Variants in KAT2A observed in about 807,000 individuals in gnomAD.
The protein encoded by KAT2A is histone acetyltransferase KAT2A.
KAT2A carries 42 observed loss-of-function variants against 95.2 expected under a neutral mutation model. The observed-to-expected ratio is 0.44, with a 90% CI of 0.34 to 0.57. The LOEUF (loss-of-function observed/expected upper bound fraction) is 0.57. KAT2A is among the 20% of genes least tolerant of loss of function. The pLI is 0.01. For missense variants in KAT2A, 784 were observed against 1,126.3 expected (o/e 0.70, Z 4.35); for synonymous variants, 449 against 448.2 (o/e 1.00, Z -0.02).
intron 12 of KAT2A, among the ~76,000 whole-genome samples, chr17:42,115,327 C>T (rs1228286072): frequency 7.9e-6 from 1 of 126,268 alleles, no homozygotes; most frequent in Non-Finnish European, 1.7e-5. Flanking sequence ...CCTCTACTGG[C>T]CCCCCAGTTC....
At position 42,118,378 on chromosome 17, in the gene KAT2A, T is replaced by C; in HGVS notation, c.1099A>G (p.Ile367Val). Residue 367 changes from isoleucine (I) to valine (V), a missense_variant, in exon 7 of 18, where the codon ATC (isoleucine) becomes GTC (valine). Physicochemically the swap from Ile to Val is conservative, Grantham distance 29. Transcript: ENST00000225916. ...PKFLSMLEEE[I>V]YGANSPIWES... ...CAGATTGGAGAGTTTGCCCCATAGA[T>C]CTCCTCCTCCAGCATGGACAGGAAT... 1 of 1,613,162 alleles carries C rather than the reference T, an allele frequency of 6.2e-7. No homozygotes were observed. Among genetic ancestry groups the C allele is most frequent in the Non-Finnish European group, 8.5e-7 (1 of 1,179,182 alleles).
chr17:42,120,574 ACCCC>A, intron 2 of KAT2A, 128 bp downstream of exon 2: 2 of 915,024 alleles, frequency 2.2e-6, no homozygotes, highest in Non-Finnish European at 3.3e-6. Flanking sequence ...CTTGGTGCAC[ACCCC>A]CCCCCAACCC....
At position 42,120,324 on chromosome 17, in the gene KAT2A, G is replaced by A. The variant is rs1555667041; in HGVS notation, c.510C>T (p.Asn170=). ...CATCCACCACCATCCCCAGCAGTCG[G>A]TTTATCTCATCCTCTGACACATTCT... ...HLENVSEDEI[N]RLLGMVVDVE... The change falls in exon 3 of 18, where the codon AAC becomes AAT. Residue 170 remains asparagine (N), a synonymous_variant. Transcript: ENST00000225916. 6.2e-7 allele frequency: 1 copy of A among 1,614,218 alleles called. No individual in the cohort carries two copies. The highest frequency in any genetic ancestry group is 8.5e-7 in the Non-Finnish European group (1 of 1,180,028).
At chr17:42,115,164 G>A in intron 12 of KAT2A, 129 bp from the exon 13 acceptor site, 1 of 937,760 alleles carries the variant, frequency 1.1e-6, no homozygotes, top group Admixed American at 2.0e-5. Context: ...CTCCTCCTGG[G>A]GCACTGTGAG....
In KAT2A at chr17:42,114,324, G is replaced by A. The variant is rs1555665505; in HGVS notation, c.2171+34C>T. ...CAAGTCTGAGGCTCCAAGTCCCTCT[G>A]CCCCACCCCCAACCCGGCTCCTTTG... On this transcript the variant is annotated intron_variant, in intron 15 of 17. Transcript: ENST00000225916. This position sits in a 1 kb window ranked among gnomAD's most constrained non-coding sequence, Gnocchi z 6.0. 1.9e-6 allele frequency: 3 copies of A among 1,613,614 alleles called. No homozygotes were observed. Among genetic ancestry groups the A allele is most frequent in the Non-Finnish European group, 1.7e-6 (2 of 1,179,788 alleles).
At position 42,114,077 on chromosome 17, in the gene KAT2A, G is replaced by C. The variant is rs782650177; in HGVS notation, c.2243C>G (p.Pro748Arg). ...KNLLAQIKSH[P>R]SAWPFMEPVK... ...AGGCTCCATGAAGGGCCAGGCACTGGGGTGAGACTGGAGAGAAGAGCCGGG... is the reference window on the plus strand; with the variant it reads ...AGGCTCCATGAAGGGCCAGGCACTGCGGTGAGACTGGAGAGAAGAGCCGGG... The change falls in exon 17 of 18, where the codon CCC (proline) becomes CGC (arginine). Residue 748 changes from proline to arginine, a missense_variant. By Grantham distance (103) the Pro-to-Arg change is moderately radical. Around this residue, in one of 6 missense-constraint regions of KAT2A, gnomAD observed 195 missense variants for 247.1 expected, o/e 0.79. Coordinates refer to ENST00000225916, the MANE Select transcript of KAT2A (RefSeq NM_021078.3). The surrounding 1 kb of genome is among the most constrained non-coding windows in gnomAD (Gnocchi z 6.0). 6.5e-7 allele frequency: 1 copy of C among 1,540,978 alleles called. No individual in the cohort carries two copies. Among genetic ancestry groups the C allele is most frequent in the Non-Finnish European group, 8.7e-7 (1 of 1,149,510 alleles).
chr17:42,114,675 G>T lies in KAT2A; in HGVS notation c.2020-71C>A. 1.4e-6 allele frequency: 2 copies of T among 1,392,676 alleles called. No homozygotes were observed. Among genetic ancestry groups the T allele is most frequent in the Non-Finnish European group, 2.0e-6 (2 of 993,196 alleles). The allele number at this position is 1,392,676 out of a possible 1,614,324, so 86.3% of individuals were successfully genotyped here. A position where few individuals can be genotyped will look rare whatever the true frequency, so the allele number is the denominator to read the frequency against. ...AACCCCTCCCAGGGCCACAGTCGGA[G>T]CCACTGGCTGCACCCACCCAGCTGC... On this transcript the variant is annotated intron_variant, in intron 13 of 17. Transcript: ENST00000225916. The surrounding 1 kb of genome is among the most constrained non-coding windows in gnomAD (Gnocchi z 6.0).
At chr17:42,118,931 G>T in intron 6 of KAT2A, 1 of 870,862 alleles carries the variant, frequency 1.1e-6, no homozygotes, top group Non-Finnish European at 1.5e-6. Context: ...TTAAGGTCTG[G>T]TTTCTTGGAG....
rs1368872815 is a variant in KAT2A at position 42,115,942 on chromosome 17, C to CGAGA, written c.1765-113_1765-110dup. ...TAGATTGGAAAGGAGGTAGAGAGAG[C>CGAGA]GAGAGCATCCAGGCAAAGAGGAAGA... On this transcript the variant is annotated intron_variant, in intron 11 of 17. Transcript: ENST00000225916. 6.8e-6 allele frequency: 5 copies of CGAGA among 733,136 alleles called. No individual in the cohort carries two copies. In the Admixed American group the frequency reaches 9.6e-5, roughly 14 times the overall value. The allele number at this position is 733,136 out of a possible 1,614,324, so 45.4% of individuals were successfully genotyped here. A position where few individuals can be genotyped will look rare whatever the true frequency, so the allele number is the denominator to read the frequency against.
chr17:42,115,442 GC>G (rs568956296), intron 12 of KAT2A, among the ~76,000 whole-genome samples: 117 of 105,550 alleles, frequency 1.1e-3, no homozygotes, highest in Middle Eastern at 6.3e-3. Context: ...CTGCTCTAGT[GC>G]CCCCCCCAGT....
At chr17:42,118,998 T>C in intron 6 of KAT2A, 2 of 1,311,064 alleles carry the variant, frequency 1.5e-6, no homozygotes, top group Non-Finnish European at 9.7e-7. Flanking sequence ...AAACAATTAG[T>C]AACATCTACT....
Position 42,119,175 on chromosome 17 carries a change from T to C in KAT2A, c.1073+70A>G. On this transcript the variant is annotated intron_variant, in intron 6 of 17. Coordinates refer to ENST00000225916, the MANE Select transcript of KAT2A (RefSeq NM_021078.3). This position sits in a 1 kb window ranked among gnomAD's most constrained non-coding sequence, Gnocchi z 5.3. The stretch of plus-strand genomic sequence containing the variant: ...GAGGGACCAATCCAGGAAGCCTTCC[T>C]GGAAAAAAGGGGACAACAGGGAGGA... 1 of 1,527,310 alleles carries C rather than the reference T, an allele frequency of 6.5e-7. No homozygotes were observed. 94.6% of individuals were successfully genotyped at this position (1,527,310 alleles called of 1,614,324 possible).
At position 42,113,547 on chromosome 17, in the gene KAT2A, C is replaced by G; in HGVS notation, c.*102G>C. The G allele has an allele frequency of 8.5e-7, 1 of 1,179,950 alleles. No individual in the cohort carries two copies. The highest frequency in any genetic ancestry group is 2.5e-5 in the East Asian group (1 of 40,440). The allele number at this position is 1,179,950 out of a possible 1,614,324, so 73.1% of individuals were successfully genotyped here. A position where few individuals can be genotyped will look rare whatever the true frequency, so the allele number is the denominator to read the frequency against. On this transcript the variant is annotated 3_prime_UTR_variant, in exon 18 of 18. Coordinates refer to ENST00000225916, the MANE Select transcript of KAT2A (RefSeq NM_021078.3). The stretch of plus-strand genomic sequence containing the variant: ...TCCGGAGGACCCTTGGCTGGAGTGT[C>G]TCAAGCTGAGTCGGGTCCGTGGGGC...
rs2054300792 is a variant in KAT2A at position 42,119,112 on chromosome 17, G to A, written c.1073+133C>T. On this transcript the variant is annotated intron_variant, in intron 6 of 17. Coordinates refer to ENST00000225916, the MANE Select transcript of KAT2A (RefSeq NM_021078.3). This position sits in a 1 kb window ranked among gnomAD's most constrained non-coding sequence, Gnocchi z 5.3. ...TCTGGGCCATGGGCAAGTCTGCCAG[G>A]TAGACGCCCAGATCCCAAAAGGCCC... is the stretch of plus-strand genomic sequence containing the variant. 6.7e-7 allele frequency: 1 copy of A among 1,501,142 alleles called. No individual in the cohort carries two copies. Among genetic ancestry groups the A allele is most frequent in the Non-Finnish European group, 8.9e-7 (1 of 1,126,856 alleles). 93.0% of individuals were successfully genotyped at this position (1,501,142 alleles called of 1,614,324 possible).
At position 42,114,411 on chromosome 17, in the gene KAT2A, G is replaced by A; in HGVS notation, c.2135-17C>T. On this transcript the variant is annotated splice_polypyrimidine_tract_variant and intron_variant, in intron 14 of 17. Coordinates refer to ENST00000225916, the MANE Select transcript of KAT2A (RefSeq NM_021078.3). The surrounding 1 kb of genome is among the most constrained non-coding windows in gnomAD (Gnocchi z 6.0). ...CTGTCTCTCCTGCAAAGTGGGAAGT[G>A]GGAGAATGTCTCTAAGAATGCCAGT... 1 of 1,613,972 alleles carries A rather than the reference G, an allele frequency of 6.2e-7. No homozygotes were observed. Among genetic ancestry groups the A allele is most frequent in the Non-Finnish European group, 8.5e-7 (1 of 1,179,918 alleles).
In KAT2A at chr17:42,117,833, A is replaced by C; in HGVS notation, c.1292-19T>G. 6.2e-7 allele frequency: 1 copy of C among 1,612,444 alleles called. No homozygotes were observed. Among genetic ancestry groups the C allele is most frequent in the Non-Finnish European group, 8.5e-7 (1 of 1,178,868 alleles). On this transcript the variant is annotated intron_variant, in intron 8 of 17. Transcript: ENST00000225916. This position sits in a 1 kb window ranked among gnomAD's most constrained non-coding sequence, Gnocchi z 8.9. ...TTCTCGCCTATTGGGGAGGCAGGCA[A>C]GGTTGCTCAGGATCAGTAAAAAAGG...
chr17:42,120,745 T>C lies in KAT2A; in HGVS notation c.424A>G (p.Asn142Asp). 6.2e-7 allele frequency: 1 copy of C among 1,614,150 alleles called. No homozygotes were observed. Among genetic ancestry groups the C allele is most frequent in the Non-Finnish European group, 8.5e-7 (1 of 1,180,034 alleles). Residue 142 changes from asparagine to aspartate, a missense_variant, in exon 2 of 18, where the codon AAC becomes GAC. Coordinates refer to ENST00000225916, the MANE Select transcript of KAT2A (RefSeq NM_021078.3). ...PRMDLQQPAANLSELCRSCEH... is the reference protein window; with the variant it reads ...PRMDLQQPAADLSELCRSCEH... ...CAACTGCGGCACAGCTCACTCAGGT[T>C]GGCAGCTGGCTGCTGCAGATCCATG...
At position 42,118,124 on chromosome 17, in the gene KAT2A, G is replaced by A. The variant is rs1171470754; in HGVS notation, c.1181-107C>T. ...GAGGAGAGAGAGAGTCAGGGACGGG[G>A]GTGCTGAAGCTGAGGAGAGAGAGAG... On this transcript the variant is annotated intron_variant, in intron 7 of 17. Coordinates refer to ENST00000225916, the MANE Select transcript of KAT2A (RefSeq NM_021078.3). The A allele has an allele frequency of 5.0e-6, 4 of 807,120 alleles. No individual in the cohort carries two copies. In the African/African-American group the frequency reaches 6.9e-5, roughly 14 times the overall value. The allele number at this position is 807,120 out of a possible 1,614,324, so 50.0% of individuals were successfully genotyped here. A position where few individuals can be genotyped will look rare whatever the true frequency, so the allele number is the denominator to read the frequency against.
In KAT2A at chr17:42,117,381, G is replaced by A. The variant is rs782170615; in HGVS notation, c.1637+7C>T. On this transcript the variant is annotated splice_region_variant and intron_variant, in intron 10 of 17. Coordinates refer to ENST00000225916, the MANE Select transcript of KAT2A (RefSeq NM_021078.3). This position sits in a 1 kb window ranked among gnomAD's most constrained non-coding sequence, Gnocchi z 8.9. ...GCCCTGGGGGAGGGGCTCTCTGGGG[G>A]ACGCACGGGTCAAAGACGAGGCGGG... 3 of 1,612,936 alleles carry A rather than the reference G, an allele frequency of 1.9e-6. No homozygotes were observed. Among genetic ancestry groups the A allele is most frequent in the African/African-American group, 2.7e-5 (2 of 74,906 alleles).
Sources: allele counts gnomAD v4.1 joint callset (sites outside exome capture counted in the v4.1 genomes callset), GRCh38; gene constraint gnomAD v4.1.1; regional missense constraint gnomAD v4.1.1; non-coding constraint Gnocchi (gnomAD v3.1); transcripts MANE v1.5; gene names NCBI Gene and HGNC (gene_info 2026-07-23, HGNC 2026-07-21).